Variants in PHACTR1 observed in about 807,000 individuals in gnomAD.
The protein encoded by PHACTR1 is RPEL repeat containing 1.
Under a neutral mutation model 69.2 loss-of-function variants are expected in PHACTR1, and 16 were observed. The observed-to-expected ratio is 0.23, with a 90% CI of 0.16 to 0.35. The LOEUF (loss-of-function observed/expected upper bound fraction) is 0.35, where lower values mean the gene tolerates loss of function less well. Among genes scored for constraint, PHACTR1 ranks in the 10% least tolerant of loss-of-function variants. PHACTR1 has a pLI of 1.00. For missense variants in PHACTR1, 510 were observed against 734.7 expected (o/e 0.69, Z 3.54); for synonymous variants, 312 against 284.5 (o/e 1.10, Z -0.97).
chr6:13,156,273 G>T (rs955533285), intron 5 of PHACTR1, among the ~76,000 whole-genome samples: 2 of 152,128 alleles, frequency 1.3e-5, no homozygotes, highest in Non-Finnish European at 2.9e-5. Context: ...TGGGCTCAGG[G>T]TTCTATACCA....
chr6:13,051,682 C>T (rs1239564882), intron 4 of PHACTR1, among the ~76,000 whole-genome samples: 4 of 152,326 alleles, frequency 2.6e-5, no homozygotes, highest in East Asian at 3.9e-4. Context: ...TGACCTCCCT[C>T]GAGGTCTTCT....
intron 4 of PHACTR1, among the ~76,000 whole-genome samples, chr6:12,967,058 A>G (rs1793593729): frequency 6.6e-6 from 1 of 152,204 alleles, no homozygotes; most frequent in Non-Finnish European, 1.5e-5. Context: ...TTATTTGCCC[A>G]TGTTCCTGAG....
rs199615591 is a variant in PHACTR1, at chr6:12,845,488, T to TGGCA, written c.250+95700_250+95703dup. Among the ~76,000 whole-genome samples the TGGCA allele has an allele frequency of 8.4e-3, 953 of 112,854 alleles. 24 individuals are homozygous for TGGCA. In the East Asian group the frequency reaches 0.098, roughly 12 times the overall value. The allele number at this position is 112,854 out of a possible 152,430, so 74.0% of individuals were successfully genotyped here. ...CTTTCTGCTGCTTTGCAGCATCAGATGGCAGCATTATCATCCATAGCACGG... is the reference window on the plus strand; with the variant it reads ...CTTTCTGCTGCTTTGCAGCATCAGATGGCAGGCAGCATTATCATCCATAGCACGG... On this transcript the variant is annotated intron_variant, in intron 4 of 14. Transcript: ENST00000332995.
At chr6:12,789,822 A>G (rs1004780256) in intron 4 of PHACTR1, among the ~76,000 whole-genome samples, 1 of 151,768 alleles carries the variant, frequency 6.6e-6, no homozygotes, top group African/African-American at 2.4e-5. Flanking sequence ...CATGTGCACA[A>G]CGTGCAGGTT....
rs534259173 is a variant in PHACTR1, at chr6:13,137,833, G to A, written c.416-22371G>A. On this transcript the variant is annotated intron_variant, in intron 5 of 14. Transcript: ENST00000332995. ...CCTGTAAAACCTTATTCAGAAAGTC[G>A]GCTTGGGCCTCCTGGAATAGGAATG... is the stretch of plus-strand genomic sequence containing the variant. 7.9e-5 allele frequency among the ~76,000 whole-genome samples: 12 copies of A among 152,286 alleles called. No homozygotes were observed. In the South Asian group the frequency reaches 2.1e-3, roughly 26 times the overall value.
intron 4 of PHACTR1, among the ~76,000 whole-genome samples, chr6:12,772,708 T>A (rs1305037409): frequency 6.6e-6 from 1 of 152,214 alleles, no homozygotes; most frequent in African/African-American, 2.4e-5. Flanking sequence ...ATATACTAAT[T>A]GAGCTTAAGT....
At chr6:13,037,549 T>C (rs762509757) in intron 4 of PHACTR1, among the ~76,000 whole-genome samples, 2 of 152,234 alleles carry the variant, frequency 1.3e-5, no homozygotes, top group Non-Finnish European at 2.9e-5. Flanking sequence ...GCAGACCGAA[T>C]GGCCTTGAGG....
intron 4 of PHACTR1, among the ~76,000 whole-genome samples, chr6:12,978,781 A>G (rs1191526692): frequency 6.6e-6 from 1 of 152,230 alleles, no homozygotes; most frequent in African/African-American, 2.4e-5. Context: ...AGCAGTATCA[A>G]GTCTCAAGGG....
chr6:13,032,131 C>T (rs1357376563), intron 4 of PHACTR1, among the ~76,000 whole-genome samples: 1 of 152,176 alleles, frequency 6.6e-6, no homozygotes, highest in Admixed American at 6.5e-5. Flanking sequence ...AGATATATTT[C>T]AGATATTATA....
At chr6:12,910,262 A>C in intron 4 of PHACTR1, among the ~76,000 whole-genome samples, 1 of 152,162 alleles carries the variant, frequency 6.6e-6, no homozygotes, top group Non-Finnish European at 1.5e-5. Flanking sequence ...ATCAGCAGCA[A>C]TGTGCCATAA....
At chr6:12,822,101 G>A (rs1277636694) in intron 4 of PHACTR1, among the ~76,000 whole-genome samples, 2 of 152,176 alleles carry the variant, frequency 1.3e-5, no homozygotes, top group East Asian at 3.9e-4. Flanking sequence ...GAAGACTCTG[G>A]GCTGCTGGAG....
intron 4 of PHACTR1, among the ~76,000 whole-genome samples, chr6:12,989,134 C>T (rs2048210719): frequency 6.6e-6 from 1 of 152,194 alleles, no homozygotes; most frequent in Non-Finnish European, 1.5e-5. Flanking sequence ...TAGTAATCTG[C>T]CTGTGAAATA....
chr6:13,238,913 C>T (rs1463395585), intron 10 of PHACTR1, among the ~76,000 whole-genome samples: 1 of 152,078 alleles, frequency 6.6e-6, no homozygotes, highest in East Asian at 1.9e-4. Flanking sequence ...AATTACCACT[C>T]CAAAGAAAAA....
intron 10 of PHACTR1, among the ~76,000 whole-genome samples, chr6:13,239,668 C>T (rs1377373119): frequency 6.6e-6 from 1 of 152,228 alleles, no homozygotes; most frequent in South Asian, 2.1e-4. Flanking sequence ...GGACCTACAG[C>T]CATTGAACAT....
At chr6:13,251,889 C>A (rs1774467901) in intron 10 of PHACTR1, among the ~76,000 whole-genome samples, 1 of 150,326 alleles carries the variant, frequency 6.7e-6, no homozygotes, top group East Asian at 2.0e-4. Context: ...ATCCCCATCT[C>A]TACAAAAATT....
chr6:13,107,439 G>A (rs1266567618), intron 5 of PHACTR1, among the ~76,000 whole-genome samples: 1 of 152,144 alleles, frequency 6.6e-6, no homozygotes, highest in East Asian at 1.9e-4. Context: ...AAATAAGTTT[G>A]TGTAAATTTG....
Position 12,955,192 on chromosome 6 carries a change from C to CTTTTTTTTTTTTTTTTTTT in PHACTR1, c.251-98171_251-98153dup, listed in dbSNP as rs1161324144. Among the ~76,000 whole-genome samples the CTTTTTTTTTTTTTTTTTTT allele has an allele frequency of 6.3e-4, 65 of 103,284 alleles. 10 individuals are homozygous for CTTTTTTTTTTTTTTTTTTT. The highest frequency in any genetic ancestry group is 3.0e-3 in the African/African-American group (58 of 19,520). 67.8% of individuals were successfully genotyped at this position (103,284 alleles called of 152,430 possible). A position where few individuals can be genotyped will look rare whatever the true frequency, so the allele number is the denominator to read the frequency against. The stretch of plus-strand genomic sequence containing the variant: ...ATCTATGGCTCACATTGTATTTCCT[C>CTTTTTTTTTTTTTTTTTTT]TTTTTTTTTTTTTTTTTTTTGAGAG... On this transcript the variant is annotated intron_variant, in intron 4 of 14. Coordinates refer to ENST00000332995, the MANE Select transcript of PHACTR1 (RefSeq NM_030948.6).
chr6:12,865,071 C>A (rs1490147595), intron 4 of PHACTR1, among the ~76,000 whole-genome samples: 1 of 152,060 alleles, frequency 6.6e-6, no homozygotes, highest in African/African-American at 2.4e-5. Flanking sequence ...GGTGACCAAC[C>A]CTTCCCAGTT....
intron 5 of PHACTR1, among the ~76,000 whole-genome samples, chr6:13,057,401 A>G (rs924212974): frequency 2.0e-5 from 3 of 152,242 alleles, no homozygotes. Context: ...CATTTTAAAA[A>G]GAAAGAATAA....
Sources: gnomAD v4.1 joint callset for allele counts (sites outside exome capture counted in the v4.1 genomes callset) on GRCh38, gnomAD v4.1.1 for gene constraint, MANE v1.5 for transcripts, NCBI Gene and HGNC (gene_info 2026-07-23, HGNC 2026-07-21) for gene names.